Variants in TMEM117 observed in about 807,000 individuals in gnomAD.
The protein encoded by TMEM117 is transmembrane protein 117.
In TMEM117, 27 loss-of-function variants were observed where a neutral mutation model predicts 52.4. The observed-to-expected ratio is 0.51, with a 90% confidence interval of 0.38 to 0.71. TMEM117 has a LOEUF of 0.71. Among genes scored for constraint, TMEM117 ranks in the 30% least tolerant of loss-of-function variants. The pLI is 0.00. For synonymous variants in TMEM117, 215 were observed against 206.3 expected, an observed-to-expected ratio of 1.04 and a Z score of -0.36; for missense variants, 556 against 630.5, an observed-to-expected ratio of 0.88 and a Z score of 1.26.
downstream of TMEM117, among the ~76,000 whole-genome samples, chr12:44,394,178 A>T (rs1338424336): frequency 1.3e-5 from 2 of 152,234 alleles, no homozygotes; most frequent in Non-Finnish European, 2.9e-5. Flanking sequence ...CCAGGTATCA[A>T]GACTGGCCAT....
intron 2 of TMEM117, among the ~76,000 whole-genome samples, chr12:43,855,054 C>G (rs1943376240): frequency 5.3e-5 from 8 of 152,180 alleles, no homozygotes; most frequent in Admixed American, 5.2e-4. Context: ...GTTAATATTT[C>G]TGTATATATG....
intron 6 of TMEM117, among the ~76,000 whole-genome samples, chr12:44,345,267 A>G (rs1951470217): frequency 6.6e-6 from 1 of 151,972 alleles, no homozygotes; most frequent in African/African-American, 2.4e-5. Context: ...TATTGAGGGT[A>G]TTGTGTTGGC....
chr12:44,099,987 A>T (rs1256910189), intron 3 of TMEM117, among the ~76,000 whole-genome samples: 3 of 151,564 alleles, frequency 2.0e-5, no homozygotes, highest in African/African-American at 7.3e-5. Flanking sequence ...ATATCAGACT[A>T]AAAAAAAGCC....
chr12:44,294,053 G>A (rs76150300), intron 5 of TMEM117, among the ~76,000 whole-genome samples: 4,284 of 152,124 alleles, frequency 0.028, 99 homozygotes, highest in African/African-American at 0.055. Context: ...CTACATTTCT[G>A]AAAGACAGCC....
intron 2 of TMEM117, among the ~76,000 whole-genome samples, chr12:43,899,865 G>T (rs1172984713): frequency 2.5e-4 from 1 of 3,934 alleles, no homozygotes; most frequent in Non-Finnish European, 1.4e-3. Flanking sequence ...ACCTAGATAT[G>T]TGACCTTGTG....
At chr12:43,950,679 A>C (rs1220977789) in intron 3 of TMEM117, among the ~76,000 whole-genome samples, 1 of 152,254 alleles carries the variant, frequency 6.6e-6, no homozygotes, top group Admixed American at 6.5e-5. Flanking sequence ...ATAAGCTCTC[A>C]GAAGTTGGGC....
At chr12:44,204,528 A>AT (rs113961463) in intron 4 of TMEM117, among the ~76,000 whole-genome samples, 15,770 of 152,050 alleles carry the variant, frequency 0.1, 925 homozygotes, top group Middle Eastern at 0.2. Context: ...TATTTCTACC[A>AT]TTTTTCACAG....
intron 2 of TMEM117, among the ~76,000 whole-genome samples, chr12:43,847,006 G>C (rs1943221811): frequency 6.6e-6 from 1 of 152,138 alleles, no homozygotes; most frequent in Non-Finnish European, 1.5e-5. Context: ...GATGCACATA[G>C]TTTCTAGACA....
chr12:44,307,373 G>T (rs556493835), intron 6 of TMEM117, among the ~76,000 whole-genome samples: 1 of 152,270 alleles, frequency 6.6e-6, no homozygotes, highest in South Asian at 2.1e-4. Flanking sequence ...AGCTTTGGGA[G>T]TATTTTCTAT....
intron 2 of TMEM117, among the ~76,000 whole-genome samples, chr12:43,914,841 A>G (rs1471732233): frequency 1.3e-5 from 2 of 152,182 alleles, no homozygotes; most frequent in Non-Finnish European, 2.9e-5. Context: ...GATTTTGTTC[A>G]TAGTGTAGTA....
chr12:44,340,121 C>T (rs181173657), intron 6 of TMEM117, among the ~76,000 whole-genome samples: 1 of 152,156 alleles, frequency 6.6e-6, no homozygotes, highest in Non-Finnish European at 1.5e-5. Context: ...TATTTTACAT[C>T]AGTCAGGGAA....
downstream of TMEM117, among the ~76,000 whole-genome samples, chr12:44,389,957 G>A (rs917386359): frequency 6.6e-6 from 1 of 152,010 alleles, no homozygotes; most frequent in Non-Finnish European, 1.5e-5. Context: ...TTATTTTCCT[G>A]TCACACACTG....
Position 44,047,681 on chromosome 12 carries a change from G to C in TMEM117, c.411-95844G>C, listed in dbSNP as rs202176178. 1.1e-4 allele frequency among the ~76,000 whole-genome samples: 17 copies of C among 152,252 alleles called. No homozygotes were observed. The East Asian group carries it at 2.9e-3, about 26-fold the overall frequency. Reference sequence around the variant, plus strand: ...AGACTTTGCATCTAATCCTTTATATGACTGTAGACCATAAAACCCAAAATG... The same window carrying C: ...AGACTTTGCATCTAATCCTTTATATCACTGTAGACCATAAAACCCAAAATG... On this transcript the variant is annotated intron_variant, in intron 3 of 7. Coordinates refer to ENST00000266534, the MANE Select transcript of TMEM117 (RefSeq NM_032256.3).
chr12:44,189,020 T>C (rs988298126), intron 4 of TMEM117, among the ~76,000 whole-genome samples: 1 of 152,168 alleles, frequency 6.6e-6, no homozygotes, highest in Admixed American at 6.6e-5. Flanking sequence ...ATCAGGGTAA[T>C]TGGGATATAT....
At chr12:43,843,067 A>G (rs537556985) in intron 1 of TMEM117, among the ~76,000 whole-genome samples, 1 of 152,248 alleles carries the variant, frequency 6.6e-6, no homozygotes, top group South Asian at 2.1e-4. Context: ...TAATAACAGT[A>G]TTTCAGGGGG....
chr12:43,958,147 A>G (rs745981692), intron 3 of TMEM117, among the ~76,000 whole-genome samples: 1 of 152,220 alleles, frequency 6.6e-6, no homozygotes, highest in Non-Finnish European at 1.5e-5. Context: ...TTTATGTTCC[A>G]AAACAGGTTT....
intron 2 of TMEM117, among the ~76,000 whole-genome samples, chr12:43,924,057 A>G (rs554422368): frequency 7.7e-4 from 118 of 152,334 alleles, no homozygotes; most frequent in Non-Finnish European, 1.6e-3. Context: ...TAGGAACCAA[A>G]TAAAATAATG....
At chr12:43,848,399 T>G (rs1392978449) in intron 2 of TMEM117, among the ~76,000 whole-genome samples, 1 of 152,136 alleles carries the variant, frequency 6.6e-6, no homozygotes, top group Admixed American at 6.5e-5. Flanking sequence ...CTGCCGTTTA[T>G]AGACCTCCCC....
intron 1 of TMEM117, among the ~76,000 whole-genome samples, chr12:43,842,907 TG>T (rs1208771936): frequency 1.3e-5 from 2 of 152,132 alleles, no homozygotes; most frequent in Non-Finnish European, 2.9e-5. Flanking sequence ...TGCAAGGAGT[TG>T]ATCTGGCTGT....
Sources: gnomAD v4.1 joint callset for allele counts (sites outside exome capture counted in the v4.1 genomes callset) on GRCh38, gnomAD v4.1.1 for gene constraint, MANE v1.5 for transcripts, NCBI Gene and HGNC (gene_info 2026-07-23, HGNC 2026-07-21) for gene names.